Variants in COMMD1 observed in about 807,000 individuals in gnomAD.
The protein encoded by COMMD1 is copper metabolism domain containing 1.
A neutral mutation model predicts 17.2 loss-of-function variants in COMMD1; 10 were observed. The observed-to-expected ratio is 0.58, with a 90% CI of 0.36 to 0.99. The LOEUF (loss-of-function observed/expected upper bound fraction) is 0.99, where lower values mean the gene tolerates loss of function less well. COMMD1 is among the 50% of genes least tolerant of loss of function. COMMD1 has a pLI of 0.01. For missense variants in COMMD1, 270 were observed against 231.8 expected (o/e 1.17, Z -1.07); for synonymous variants, 97 against 91.6 (o/e 1.06, Z -0.34).
intron 2 of COMMD1, among the ~76,000 whole-genome samples, chr2:62,124,348 C>T (rs1445326287): frequency 6.6e-6 from 1 of 152,130 alleles, no homozygotes; most frequent in Non-Finnish European, 1.5e-5. Flanking sequence ...GTCCTAATCT[C>T]CTTTTCCAGA....
upstream of COMMD1, among the ~76,000 whole-genome samples, chr2:61,901,253 C>T (rs1669650053): frequency 6.6e-6 from 1 of 151,852 alleles, no homozygotes; most frequent in Non-Finnish European, 1.5e-5. Context: ...GACCAAAACA[C>T]ATTTTTTTAA....
chr2:62,128,375 T>C (rs1672940933), intron 2 of COMMD1, among the ~76,000 whole-genome samples: 1 of 149,562 alleles, frequency 6.7e-6, no homozygotes, highest in Admixed American at 6.7e-5. Context: ...AATTAAAGAC[T>C]TAAATGTAAA....
intron 1 of COMMD1, among the ~76,000 whole-genome samples, chr2:61,890,535 C>T (rs1669403014): frequency 6.6e-6 from 1 of 151,990 alleles, no homozygotes; most frequent in Non-Finnish European, 1.5e-5. Context: ...TTCTTTAACA[C>T]ACATTTAGCA....
chr2:62,013,951 C>T (rs1035446019), intron 2 of COMMD1, among the ~76,000 whole-genome samples: 6 of 152,166 alleles, frequency 3.9e-5, no homozygotes, highest in African/African-American at 1.4e-4. Flanking sequence ...TTAAAACTCT[C>T]AACTTACAGA....
intron 2 of COMMD1, among the ~76,000 whole-genome samples, chr2:62,079,347 T>C (rs556648887): frequency 1.3e-5 from 2 of 152,340 alleles, no homozygotes; most frequent in East Asian, 3.9e-4. Context: ...GCTACAAGCA[T>C]TCGTTCTTAA....
intron 2 of COMMD1, among the ~76,000 whole-genome samples, chr2:62,074,978 C>T (rs1671301926): frequency 1.3e-5 from 2 of 150,816 alleles, no homozygotes; most frequent in South Asian, 4.2e-4. Context: ...CAACTACTGC[C>T]TCCCGGGTTC....
chr2:62,017,609 G>T (rs952585620), intron 2 of COMMD1, among the ~76,000 whole-genome samples: 2 of 151,968 alleles, frequency 1.3e-5, no homozygotes, highest in African/African-American at 4.8e-5. Flanking sequence ...GTTTGAGGCT[G>T]CAGTGAGCTG....
intron 1 of COMMD1, among the ~76,000 whole-genome samples, chr2:61,937,495 A>G (rs1670635023): frequency 6.6e-6 from 1 of 152,226 alleles, no homozygotes; most frequent in Non-Finnish European, 1.5e-5. Flanking sequence ...TAGAGTAAAC[A>G]AGACTTATAG....
At chr2:62,049,568 C>T (rs1414786770) in intron 2 of COMMD1, among the ~76,000 whole-genome samples, 1 of 152,148 alleles carries the variant, frequency 6.6e-6, no homozygotes, top group Non-Finnish European at 1.5e-5. Context: ...TTTTCCAGCT[C>T]AAAATGTCAG....
chr2:61,916,364 T>C (rs1000092101), intron 1 of COMMD1, among the ~76,000 whole-genome samples: 1 of 152,212 alleles, frequency 6.6e-6, no homozygotes, highest in African/African-American at 2.4e-5. Flanking sequence ...CCAACAGCCT[T>C]TTCTTTCTTT....
chr2:62,126,601 C>CT (rs759815185), intron 2 of COMMD1, among the ~76,000 whole-genome samples: 1 of 152,134 alleles, frequency 6.6e-6, no homozygotes, highest in Admixed American at 6.6e-5. Flanking sequence ...CCTTTGCCCA[C>CT]TTTTTAATGG....
chr2:62,135,776 G>C (rs1345327855), intron 2 of COMMD1, 55 bp from the exon 3 acceptor site: 1 of 893,698 alleles, frequency 1.1e-6, no homozygotes, highest in Non-Finnish European at 1.9e-6. Flanking sequence ...GGTCATGCCA[G>C]ATGGCCTTGG....
chr2:62,022,975 C>G (rs1669649484), intron 2 of COMMD1, among the ~76,000 whole-genome samples: 1 of 152,144 alleles, frequency 6.6e-6, no homozygotes, highest in Non-Finnish European at 1.5e-5. Context: ...ACCTGTAATC[C>G]CAGCACTTTG....
Position 62,135,847 on chromosome 2 carries a change from G to T in COMMD1, c.479G>T (p.Cys160Phe), listed in dbSNP as rs1573226034. 6.4e-7 allele frequency: 1 copy of T among 1,560,598 alleles called. No individual in the cohort carries two copies. The highest frequency in any genetic ancestry group is 1.3e-5 in the African/African-American group (1 of 74,118). ...GKYGQESEFL[C>F]LEFDEVKVNQ... ...GTTTTCCAGGAATCTGAATTTCTGT[G>T]TTTGGAATTTGATGAGGTCAAAGTC... Residue 160 changes from cysteine to phenylalanine, a missense_variant, in exon 3 of 3, where the codon TGT (cysteine) becomes TTT (phenylalanine). Transcript: ENST00000311832.
At chr2:62,068,594 G>A (rs1457699885) in intron 2 of COMMD1, among the ~76,000 whole-genome samples, 1 of 151,216 alleles carries the variant, frequency 6.6e-6, no homozygotes, top group African/African-American at 2.4e-5. Context: ...AAGGTGCAGG[G>A]GCTTCAAAGA....
chr2:62,133,578 G>A (rs1008526859), intron 2 of COMMD1, among the ~76,000 whole-genome samples: 1 of 151,994 alleles, frequency 6.6e-6, no homozygotes, highest in African/African-American at 2.4e-5. Flanking sequence ...ATCCAAAGAG[G>A]CAGTTAGACT....
intron 2 of COMMD1, among the ~76,000 whole-genome samples, chr2:62,079,366 T>C (rs1260098849): frequency 2.0e-5 from 3 of 152,214 alleles, no homozygotes; most frequent in Non-Finnish European, 4.4e-5. Context: ...AATTACTGTA[T>C]TTTGCAAGAA....
In COMMD1 at chr2:62,009,127, G is replaced by A. The variant is rs139940695; in HGVS notation, c.462+8145G>A. On this transcript the variant is annotated intron_variant, in intron 2 of 2. Coordinates refer to ENST00000311832, the MANE Select transcript of COMMD1 (RefSeq NM_152516.4). ...AACAGATAAAGGAATTTTCCATTTCGTATTTTATATCAGATTTAGAACATG... is the reference window on the plus strand; with the variant it reads ...AACAGATAAAGGAATTTTCCATTTCATATTTTATATCAGATTTAGAACATG... 4.2e-3 allele frequency among the ~76,000 whole-genome samples: 633 copies of A among 152,088 alleles called. 9 individuals are homozygous for A. Among genetic ancestry groups the A allele is most frequent in the African/African-American group, 0.015 (619 of 41,474 alleles).
rs112259683 is a variant in COMMD1, at chr2:61,908,917, T to C, written c.180+3059T>C. 4.3e-3 allele frequency among the ~76,000 whole-genome samples: 659 copies of C among 152,152 alleles called. 1 individual carries two copies. Among genetic ancestry groups the C allele is most frequent in the Non-Finnish European group, 7.6e-3 (514 of 68,002 alleles). On this transcript the variant is annotated intron_variant, in intron 1 of 2. Transcript: ENST00000311832. ...ATAAAAAACAAACATGATTTTAATTTATTTTTGTTTTAATATTATTTTTTG... is the reference window on the plus strand; with the variant it reads ...ATAAAAAACAAACATGATTTTAATTCATTTTTGTTTTAATATTATTTTTTG...
Sources: allele counts gnomAD v4.1 joint callset (sites outside exome capture counted in the v4.1 genomes callset), GRCh38; gene constraint gnomAD v4.1.1; transcripts MANE v1.5; gene names NCBI Gene and HGNC (gene_info 2026-07-23, HGNC 2026-07-21).